GRIP1: variants seen among roughly 807,000 people sequenced by gnomAD.
GRIP1 encodes glutamate receptor interacting protein 1, also known as glutamate receptor-interacting protein 1.
A neutral mutation model predicts 129.9 loss-of-function variants in GRIP1; 45 were observed. The ratio of observed to expected loss-of-function variants is 0.35; its 90% CI spans 0.27 to 0.44. The LOEUF is 0.44. GRIP1 is among the 20% of genes least tolerant of loss of function. The pLI, the probability that GRIP1 is intolerant of heterozygous loss-of-function variation, is 1.00. For missense variants in GRIP1, 1,196 were observed against 1,396.8 expected (o/e 0.86, Z 2.29); for synonymous variants, 530 against 520.8 (o/e 1.02, Z -0.24).
At chr12:66,513,572 C>G (rs540490439) in intron 7 of GRIP1, among the ~76,000 whole-genome samples, 1 of 151,976 alleles carries the variant, frequency 6.6e-6, no homozygotes, top group African/African-American at 2.4e-5. Flanking sequence ...CCTTTTGGAA[C>G]CTTATAATTT....
chr12:66,353,453 A>G lies in GRIP1; in HGVS notation c.3123T>C (p.Asp1041=). The change falls in exon 24 of 25, where the codon GAT becomes GAC. Residue 1041 remains aspartate (D), a synonymous_variant. Coordinates refer to ENST00000359742, the MANE Select transcript of GRIP1 (RefSeq NM_001366722.1). ...TGTCATAGGGCTTTAAGCCACCAAG[A>G]TCTCCTGGCCCAGCTGGGCGAATAT... ...VKNIRPAGPG[D]LGGLKPYDRL... 1.2e-6 allele frequency: 2 copies of G among 1,613,096 alleles called. No individual in the cohort carries two copies. The highest frequency in any genetic ancestry group is 1.7e-6 in the Non-Finnish European group (2 of 1,179,124).
chr12:66,881,116 G>T (rs1555248391), intron 1 of GRIP1, among the ~76,000 whole-genome samples: 1 of 151,804 alleles, frequency 6.6e-6, no homozygotes, highest in Non-Finnish European at 1.5e-5. Context: ...TCTCCAAATG[G>T]ACTATCTAAT....
intron 1 of GRIP1, among the ~76,000 whole-genome samples, chr12:67,020,749 T>G (rs994919745): frequency 3.3e-5 from 5 of 152,170 alleles, no homozygotes; most frequent in Non-Finnish European, 7.3e-5. Flanking sequence ...TAATATAATT[T>G]TTATTTTTCA....
At chr12:66,384,911 G>A (rs1489237228) in intron 19 of GRIP1, among the ~76,000 whole-genome samples, 1 of 152,212 alleles carries the variant, frequency 6.6e-6, no homozygotes, top group Non-Finnish European at 1.5e-5. Context: ...CAGCTGGCTG[G>A]TGATACCATG....
At chr12:66,739,340 G>T (rs142708947) in intron 1 of GRIP1, among the ~76,000 whole-genome samples, 1 of 152,116 alleles carries the variant, frequency 6.6e-6, no homozygotes. Flanking sequence ...CACAAAGAAT[G>T]TATGGTGGAG....
chr12:66,422,633 T>C (rs1367917189), intron 14 of GRIP1, among the ~76,000 whole-genome samples: 2 of 152,134 alleles, frequency 1.3e-5, no homozygotes, highest in South Asian at 2.1e-4. Context: ...CAAACAATAG[T>C]AGAGGCAACA....
At position 66,348,840 on chromosome 12, in the gene GRIP1, A is replaced by C. The variant is rs2054093427; in HGVS notation, c.*179T>G. On this transcript the variant is annotated 3_prime_UTR_variant, in exon 25 of 25. Transcript: ENST00000359742. ...ATACCATAGTGGTCACCAAAAAAGA[A>C]ACCTCTTCAACTTGAAAAGGGAAGT... The C allele has an allele frequency of 1.5e-6, 1 of 646,398 alleles. No homozygotes were observed. The highest frequency in any genetic ancestry group is 2.8e-6 in the Non-Finnish European group (1 of 362,454). The allele number at this position is 646,398 out of a possible 1,614,324, so 40.0% of individuals were successfully genotyped here.
At chr12:66,433,467 T>C (rs1223134124) in intron 13 of GRIP1, among the ~76,000 whole-genome samples, 2 of 152,098 alleles carry the variant, frequency 1.3e-5, no homozygotes, top group African/African-American at 2.4e-5. Context: ...GCTCAGATAC[T>C]GGCCAGTCAG....
At chr12:66,486,631 C>G (rs1000004543) in intron 7 of GRIP1, among the ~76,000 whole-genome samples, 1 of 152,138 alleles carries the variant, frequency 6.6e-6, no homozygotes, top group African/African-American at 2.4e-5. Flanking sequence ...GGGACTTGCT[C>G]CTTCTTGCCT....
intron 1 of GRIP1, among the ~76,000 whole-genome samples, chr12:66,614,579 C>A (rs2064957305): frequency 6.6e-6 from 1 of 152,056 alleles, no homozygotes; most frequent in Non-Finnish European, 1.5e-5. Flanking sequence ...CGAGACAACC[C>A]CTGAAACTTA....
intron 1 of GRIP1, among the ~76,000 whole-genome samples, chr12:66,628,402 G>A (rs1008985638): frequency 3.1e-5 from 4 of 129,298 alleles, no homozygotes; most frequent in Non-Finnish European, 7.2e-5. Flanking sequence ...GGGATTTCCC[G>A]TACTAACATG....
At chr12:66,444,558 C>G (rs373489429) in intron 13 of GRIP1, 26 bp downstream of exon 13, 99 of 1,571,718 alleles carry the variant, frequency 6.3e-5, no homozygotes, top group Non-Finnish European at 8.4e-5. Flanking sequence ...CACATGCAGT[C>G]CACTCCTGAG....
chr12:66,444,252 C>T (rs893820557), intron 13 of GRIP1, among the ~76,000 whole-genome samples: 23 of 151,214 alleles, frequency 1.5e-4, no homozygotes, highest in Admixed American at 2.6e-4. Context: ...TTTGGGAGGC[C>T]GAGGCGGGTG....
rs1041106028 is a variant in GRIP1, at chr12:66,353,341, A to G, written c.3159+76T>C. ...AAGGGAAAAGAGCAAAGGGCCCCAA[A>G]TATGCAGGAGGATGTGGAGGAAGCT... is the stretch of plus-strand genomic sequence containing the variant. On this transcript the variant is annotated intron_variant, in intron 24 of 24. Transcript: ENST00000359742. The G allele has an allele frequency of 3.9e-6, 4 of 1,031,964 alleles. No individual in the cohort carries two copies. The African/African-American group carries it at 6.3e-5, about 16-fold the overall frequency. 63.9% of individuals were successfully genotyped at this position (1,031,964 alleles called of 1,614,324 possible). A position where few individuals can be genotyped will look rare whatever the true frequency, so the allele number is the denominator to read the frequency against.
At chr12:66,667,451 A>G (rs113631246) in intron 1 of GRIP1, among the ~76,000 whole-genome samples, 6 of 152,296 alleles carry the variant, frequency 3.9e-5, no homozygotes, top group African/African-American at 1.4e-4. Flanking sequence ...TCTTCAGGTC[A>G]GTTGTTAGTC....
intron 1 of GRIP1, among the ~76,000 whole-genome samples, chr12:66,613,307 T>G (rs1460713652): frequency 6.6e-6 from 1 of 152,166 alleles, no homozygotes; most frequent in African/African-American, 2.4e-5. Context: ...GCTCACCTGA[T>G]CCTTTATGCA....
chr12:66,384,810 A>G (rs1374372483), intron 19 of GRIP1, among the ~76,000 whole-genome samples: 2 of 152,236 alleles, frequency 1.3e-5, no homozygotes, highest in African/African-American at 4.8e-5. Context: ...GGAAAAATAA[A>G]TCCTGATGTT....
intron 1 of GRIP1, among the ~76,000 whole-genome samples, chr12:66,756,009 C>T (rs1208674076): frequency 2.0e-5 from 3 of 152,186 alleles, no homozygotes; most frequent in Non-Finnish European, 4.4e-5. Context: ...CCTCCCTTGC[C>T]TCCTTCCCCC....
At chr12:66,901,049 T>C (rs571404045) in intron 1 of GRIP1, among the ~76,000 whole-genome samples, 4 of 152,312 alleles carry the variant, frequency 2.6e-5, no homozygotes, top group Non-Finnish European at 5.9e-5. Context: ...AATATTTAAA[T>C]CAGCTGCATG....
Sources: gnomAD v4.1 joint callset for allele counts (sites outside exome capture counted in the v4.1 genomes callset) on GRCh38, gnomAD v4.1.1 for gene constraint, MANE v1.5 for transcripts, NCBI Gene and HGNC (gene_info 2026-07-23, HGNC 2026-07-21) for gene names.